RAD51B: variants seen among roughly 807,000 people sequenced by gnomAD.
RAD51B encodes the protein DNA repair protein RAD51 homolog 2.
A neutral mutation model predicts 42.2 loss-of-function variants in RAD51B; 38 were observed. The observed-to-expected ratio is 0.90, with a 90% CI of 0.70 to 1.18. RAD51B has a LOEUF of 1.18. RAD51B is among the 50% of genes most tolerant of loss of function. RAD51B has a pLI of 0.00. For synonymous variants in RAD51B, 154 were observed against 145.2 expected (o/e 1.06, Z -0.43); for missense variants, 373 against 400.7 (o/e 0.93, Z 0.59).
At chr14:68,091,065 C>T (rs1242854708) in intron 7 of RAD51B, among the ~76,000 whole-genome samples, 26 of 151,854 alleles carry the variant, frequency 1.7e-4, no homozygotes, top group African/African-American at 3.6e-4. Context: ...TATTCCATGG[C>T]GTATATGTGC....
intron 9 of RAD51B, among the ~76,000 whole-genome samples, chr14:68,427,244 C>T (rs1956535): frequency 0.16 from 23,913 of 152,210 alleles, 2,477 homozygotes; most frequent in Non-Finnish European, 0.23. Context: ...GCAGCTGCCA[C>T]AGGGAGTCCC....
chr14:68,408,064 C>G (rs1956536), intron 8 of RAD51B, among the ~76,000 whole-genome samples: 48,704 of 151,882 alleles, frequency 0.32, 10,420 homozygotes, highest in African/African-American at 0.61. Flanking sequence ...GGGAGAAAGC[C>G]ACAGCAGCAC....
intron 7 of RAD51B, among the ~76,000 whole-genome samples, chr14:67,939,917 G>T (rs1014164059): frequency 5.4e-5 from 8 of 148,186 alleles, no homozygotes; most frequent in Non-Finnish European, 8.9e-5. Context: ...TAAATTAGGT[G>T]CTGGGTTCAT....
At chr14:67,856,915 A>T (rs1373259962) in intron 4 of RAD51B, among the ~76,000 whole-genome samples, 1 of 151,938 alleles carries the variant, frequency 6.6e-6, no homozygotes, top group Non-Finnish European at 1.5e-5. Context: ...ATATGAAGTG[A>T]ATTGTTTTTT....
intron 7 of RAD51B, among the ~76,000 whole-genome samples, chr14:68,253,583 C>T (rs117758462): frequency 6.6e-6 from 1 of 152,246 alleles, no homozygotes; most frequent in East Asian, 1.9e-4. Context: ...TCAAATATGT[C>T]AGCATTTTTC....
At chr14:68,132,098 C>T (rs1038056803) in intron 7 of RAD51B, among the ~76,000 whole-genome samples, 2 of 152,104 alleles carry the variant, frequency 1.3e-5, no homozygotes, top group Admixed American at 1.3e-4. Flanking sequence ...GCTTCACTGC[C>T]AAAGTTATCA....
intron 11 of RAD51B, among the ~76,000 whole-genome samples, chr14:68,653,290 C>T (rs574059132): frequency 2.0e-5 from 3 of 152,174 alleles, no homozygotes; most frequent in Non-Finnish European, 4.4e-5. Context: ...GGGTTGGAGA[C>T]TGTAGCGTAC....
In RAD51B at chr14:68,189,049, A is replaced by T. The variant is rs533260106; in HGVS notation, c.757-102835A>T. On this transcript the variant is annotated intron_variant, in intron 7 of 10. Transcript: ENST00000471583. ...TGGTTCTGCTGCTATAGTTTAACTT[A>T]CCTTACCAGTCCTAATCTTTCTTTT... Among the ~76,000 whole-genome samples the T allele has an allele frequency of 2.0e-5, 3 of 152,168 alleles. No homozygotes were observed. In the South Asian group the frequency reaches 6.2e-4, roughly 32 times the overall value.
intron 7 of RAD51B, among the ~76,000 whole-genome samples, chr14:68,131,683 G>A (rs1356722195): frequency 1.3e-5 from 2 of 152,102 alleles, no homozygotes; most frequent in African/African-American, 4.8e-5. Context: ...GTGACAAAGC[G>A]AAACTCTATC....
intron 8 of RAD51B, among the ~76,000 whole-genome samples, chr14:68,358,097 G>C (rs183413883): frequency 6.6e-6 from 1 of 152,320 alleles, no homozygotes; most frequent in Admixed American, 6.5e-5. Context: ...TAAGTTTGCT[G>C]TCTTACAGAG....
intron 7 of RAD51B, among the ~76,000 whole-genome samples, chr14:68,020,990 T>C (rs773090755): frequency 6.6e-6 from 1 of 152,144 alleles, no homozygotes; most frequent in Non-Finnish European, 1.5e-5. Flanking sequence ...TCTTTCCTTG[T>C]TAAGTGGATT....
intron 11 of RAD51B, among the ~76,000 whole-genome samples, chr14:68,668,767 C>A (rs377386339): frequency 2.0e-5 from 3 of 152,218 alleles, no homozygotes; most frequent in Admixed American, 6.5e-5. Context: ...CTCTCCCAAT[C>A]GCTGGTTAAA....
exon 11 of RAD51B, chr14:68,595,443 C>T: frequency 9.4e-7 from 1 of 1,066,608 alleles, no homozygotes; most frequent in Non-Finnish European, 1.1e-6. Context: ...ATCAGTGTTT[C>T]TGTGGAATTA....
rs755145105 is a variant in RAD51B, at chr14:68,082,310, C to T, written c.756+195106C>T. Reference sequence around the variant, plus strand: ...TGCATTTATTTTTAAATAGGAAATACATTCACCTGGTTCAGAATTTCAGAG... The same window carrying T: ...TGCATTTATTTTTAAATAGGAAATATATTCACCTGGTTCAGAATTTCAGAG... On this transcript the variant is annotated intron_variant, in intron 7 of 10. Transcript: ENST00000471583. 6.9e-4 allele frequency among the ~76,000 whole-genome samples: 105 copies of T among 152,114 alleles called. 1 individual carries two copies. The highest frequency in any genetic ancestry group is 1.1e-3 in the Non-Finnish European group (77 of 68,022).
rs1294012333 is a variant in RAD51B, at chr14:68,550,060, G to A, written c.1037-44425G>A. 2.0e-5 allele frequency among the ~76,000 whole-genome samples: 3 copies of A among 152,308 alleles called. No individual in the cohort carries two copies. In the South Asian group the frequency reaches 6.2e-4, roughly 32 times the overall value. On this transcript the variant is annotated intron_variant, in intron 10 of 10. Coordinates refer to the RAD51B transcript ENST00000487270. ...AGGACTCCTCTGAGGGAGCAACATG[G>A]AGAGACTTTCTCACCCCTCTGCAGG...
At chr14:68,523,796 T>C (rs999410530) in intron 10 of RAD51B, among the ~76,000 whole-genome samples, 5 of 152,194 alleles carry the variant, frequency 3.3e-5, no homozygotes. Flanking sequence ...TATCTGTGTT[T>C]GGTTGAAAAA....
intron 7 of RAD51B, among the ~76,000 whole-genome samples, chr14:67,965,905 A>C (rs2074767091): frequency 6.6e-6 from 1 of 152,148 alleles, no homozygotes; most frequent in Admixed American, 6.5e-5. Flanking sequence ...AGCAGAGTTC[A>C]GACTAGTGGC....
At chr14:68,272,299 T>A (rs967655835) in intron 7 of RAD51B, among the ~76,000 whole-genome samples, 2 of 152,056 alleles carry the variant, frequency 1.3e-5, no homozygotes, top group Non-Finnish European at 2.9e-5. Context: ...TCTTCCTGGC[T>A]CTATTTCTCA....
At chr14:67,854,692 G>C (rs1401898257) in intron 4 of RAD51B, among the ~76,000 whole-genome samples, 2 of 151,768 alleles carry the variant, frequency 1.3e-5, no homozygotes, top group Non-Finnish European at 1.5e-5. Context: ...GCTAGGTGTG[G>C]TGGCTCATGC....
Sources: gnomAD v4.1 joint callset for allele counts (sites outside exome capture counted in the v4.1 genomes callset) on GRCh38, gnomAD v4.1.1 for gene constraint, MANE v1.5 for transcripts, NCBI Gene and HGNC (gene_info 2026-07-23, HGNC 2026-07-21) for gene names.